Variants in TNS1 observed in about 807,000 individuals in gnomAD.
The protein encoded by TNS1 is tensin-1.
A neutral mutation model predicts 168.6 loss-of-function variants in TNS1; 62 were observed. That is an observed-to-expected ratio of 0.37 (90% CI 0.30 to 0.45). The LOEUF is 0.45. TNS1 is among the 20% of genes least tolerant of loss of function. The probability of loss-of-function intolerance (pLI) is 1.00; values close to 1 mark genes in which losing one functional copy is unlikely to be tolerated. For missense variants in TNS1, 2,240 were observed against 2,339.4 expected (o/e 0.96, Z 0.88); for synonymous variants, 934 against 933.2 (o/e 1.00, Z -0.02).
At chr2:217,893,121 T>G in intron 10 of TNS1, 109 bp from the exon 11 acceptor site, 2 of 1,375,698 alleles carry the variant, frequency 1.5e-6, no homozygotes, top group Non-Finnish European at 2.0e-6. Context: ...GAGAGGGGTG[T>G]GGATTTAAGG....
rs140195511 is a variant in TNS1 at position 217,818,200 on chromosome 2, G to T, written c.4132C>A (p.Arg1378=). 2.3e-4 allele frequency: 378 copies of T among 1,613,884 alleles called. 1 individual carries two copies. Among genetic ancestry groups the T allele is most frequent in the African/African-American group, 1.9e-3 (144 of 75,048 alleles). The part of the protein sequence containing the change: ...ATTPGSPSLG[R]HPGAHQGNLA... ...TTGCCTTGGTGAGCCCCAGGGTGCCGGCCCAGGCTGGGACTCCCCGGGGTG... is the reference window on the plus strand; with the variant it reads ...TTGCCTTGGTGAGCCCCAGGGTGCCTGCCCAGGCTGGGACTCCCCGGGGTG... Residue 1378 remains arginine (R), a synonymous_variant, in exon 24 of 33, where the codon CGG becomes AGG. Coordinates refer to ENST00000682258, the MANE Select transcript of TNS1 (RefSeq NM_001387777.1).
intron 3 of TNS1, among the ~76,000 whole-genome samples, chr2:217,960,489 G>C (rs1213410455): frequency 6.6e-6 from 1 of 152,062 alleles, no homozygotes; most frequent in Admixed American, 6.5e-5. Context: ...GCAGGGCAGG[G>C]GGCATGTGAG....
chr2:217,834,836 AGT>A (rs1944943891), intron 21 of TNS1, among the ~76,000 whole-genome samples: 1 of 152,242 alleles, frequency 6.6e-6, no homozygotes. Context: ...GGGAGCCCAG[AGT>A]CCCATGGTCA....
chr2:217,950,501 A>C (rs1202302963), intron 3 of TNS1, among the ~76,000 whole-genome samples: 1 of 151,852 alleles, frequency 6.6e-6, no homozygotes. Context: ...ACCTTTAGCC[A>C]AGCTGGCTCC....
At chr2:217,936,955 C>T (rs530396231) in intron 3 of TNS1, 36 of 456,800 alleles carry the variant, frequency 7.9e-5, no homozygotes, top group African/African-American at 2.6e-4. Context: ...GGGAGACCCA[C>T]GCTTGTTATT....
Position 217,982,841 on chromosome 2 carries a change from G to T in TNS1, c.149-4039C>A, listed in dbSNP as rs1366689643. On this transcript the variant is annotated intron_variant, in intron 2 of 32. Transcript: ENST00000682258. ...AACCAAGGCCAGAGGCCATCTCCTG[G>T]GTCCTACCTTGCTGCTTGGTGCCTG... Among the ~76,000 whole-genome samples the T allele has an allele frequency of 4.6e-5, 7 of 152,172 alleles. No homozygotes were observed. In the East Asian group the frequency reaches 1.2e-3, roughly 25 times the overall value.
intron 3 of TNS1, among the ~76,000 whole-genome samples, chr2:217,966,265 C>CTGTG (rs1279503374): frequency 3.9e-5 from 5 of 128,644 alleles, no homozygotes; most frequent in African/African-American, 1.2e-4. Context: ...GGGGAGCAGG[C>CTGTG]TGCGTGTGTG....
intron 3 of TNS1, among the ~76,000 whole-genome samples, chr2:217,950,797 T>A (rs1480113265): frequency 2.6e-5 from 4 of 151,554 alleles, no homozygotes; most frequent in Non-Finnish European, 5.9e-5. Context: ...CTTCCTCCTC[T>A]GCACTCTTCT....
intron 3 of TNS1, among the ~76,000 whole-genome samples, chr2:217,977,270 G>C (rs139231449): frequency 6.6e-6 from 1 of 152,136 alleles, no homozygotes; most frequent in Non-Finnish European, 1.5e-5. Flanking sequence ...AAGCAGAAAC[G>C]TACTCTCCAT....
intron 4 of TNS1, among the ~76,000 whole-genome samples, chr2:217,909,782 C>A (rs1372537282): frequency 6.6e-6 from 1 of 152,102 alleles, no homozygotes; most frequent in Non-Finnish European, 1.5e-5. Flanking sequence ...CTGACTGCTC[C>A]CTAAAAGGCC....
Position 217,897,785 on chromosome 2 carries a change from G to A in TNS1, c.543+13C>T, listed in dbSNP as rs1952477806. 6.3e-7 allele frequency: 1 copy of A among 1,584,302 alleles called. No homozygotes were observed. ...GAGGGCACAGGACAGTGGGCACGAG[G>A]ATCCATCCTCACCAGGTAGTTGCCT... On this transcript the variant is annotated intron_variant, in intron 8 of 32. Coordinates refer to ENST00000682258, the MANE Select transcript of TNS1 (RefSeq NM_001387777.1).
chr2:217,987,216 C>T (rs1010847123), intron 2 of TNS1, among the ~76,000 whole-genome samples: 4 of 152,186 alleles, frequency 2.6e-5, no homozygotes, highest in Admixed American at 2.6e-4. Context: ...ACAGAGCCTT[C>T]ATCCCTAGCA....
Position 217,802,188 on chromosome 2 carries a change from G to A in TNS1, c.*2271C>T, listed in dbSNP as rs939754564. On this transcript the variant is annotated 3_prime_UTR_variant, in exon 33 of 33. Coordinates refer to ENST00000682258, the MANE Select transcript of TNS1 (RefSeq NM_001387777.1). The stretch of plus-strand genomic sequence containing the variant: ...TTGGAAGATAATTGGGGTTTGCTAG[G>A]GAATGAGGAGAGGGGGAAACCCAGA... 1.3e-5 allele frequency: 2 copies of A among 152,222 alleles called. No individual in the cohort carries two copies. Among genetic ancestry groups the A allele is most frequent in the Admixed American group, 1.3e-4 (2 of 15,286 alleles). 9.4% of individuals were successfully genotyped at this position (152,222 alleles called of 1,614,324 possible).
chr2:217,938,103 GAGCTCAGGAA>G (rs1956717983), intron 3 of TNS1, among the ~76,000 whole-genome samples: 1 of 152,166 alleles, frequency 6.6e-6, no homozygotes, highest in Admixed American at 6.5e-5. Context: ...GGGCCAGGCT[GAGCTCAGGAA>G]CACTCCCCAG....
chr2:217,902,401 G>A (rs1953109459), intron 6 of TNS1, among the ~76,000 whole-genome samples: 1 of 152,174 alleles, frequency 6.6e-6, no homozygotes, highest in Non-Finnish European at 1.5e-5. Flanking sequence ...GACGTGAGGT[G>A]TGGCCAGGAG....
Position 217,818,173 on chromosome 2 carries a change from G to T in TNS1, c.4159C>A (p.Leu1387Met). 1 of 1,613,892 alleles carries T rather than the reference G, an allele frequency of 6.2e-7. No homozygotes were observed. Among genetic ancestry groups the T allele is most frequent in the Admixed American group, 1.7e-5 (1 of 60,028 alleles). ...GCATTGCTATGAAGACCGGAGGCCA[G>T]GTTGCCTTGGTGAGCCCCAGGGTGC... ...GRHPGAHQGN[L>M]ASGLHSNAIA... Residue 1387 changes from leucine (L) to methionine (M), a missense_variant, in exon 24 of 33, where the codon CTG (leucine) becomes ATG (methionine). Physicochemically the swap from Leu to Met is conservative, Grantham distance 15 (BLOSUM62 2). Transcript: ENST00000682258.
At chr2:217,979,065 A>G in intron 2 of TNS1, 1 of 405,446 alleles carries the variant, frequency 2.5e-6, no homozygotes, top group Non-Finnish European at 4.5e-6. Flanking sequence ...GGGTGCGGGA[A>G]GGTGGGGGGA....
chr2:217,906,049 T>A (rs1365289472), intron 6 of TNS1, among the ~76,000 whole-genome samples: 1 of 152,120 alleles, frequency 6.6e-6, no homozygotes, highest in Non-Finnish European at 1.5e-5. Flanking sequence ...TTCCCCTTGA[T>A]CCCCATGGCC....
intron 3 of TNS1, among the ~76,000 whole-genome samples, chr2:217,930,412 C>G (rs952109593): frequency 6.6e-6 from 1 of 152,152 alleles, no homozygotes; most frequent in African/African-American, 2.4e-5. Flanking sequence ...GGTCAGAGAA[C>G]ACAAAGAGAC....
Sources: gnomAD v4.1 joint callset for allele counts (sites outside exome capture counted in the v4.1 genomes callset) on GRCh38, gnomAD v4.1.1 for gene constraint, MANE v1.5 for transcripts, NCBI Gene and HGNC (gene_info 2026-07-23, HGNC 2026-07-21) for gene names.